The following MAP2K7 variants were observed in gnomAD, a reference collection of about 807,000 sequenced individuals.
MAP2K7 encodes mitogen-activated protein kinase kinase 7.
A neutral mutation model predicts 47.7 loss-of-function variants in MAP2K7; 12 were observed. The observed-to-expected ratio is 0.25, with a 90% CI of 0.16 to 0.41. The LOEUF (loss-of-function observed/expected upper bound fraction) is 0.41, where lower values mean the gene tolerates loss of function less well. Ranked by LOEUF, MAP2K7 falls within the 10% of genes least tolerant of loss-of-function variation. The probability of loss-of-function intolerance (pLI) is 1.00; values close to 1 mark genes in which losing one functional copy is unlikely to be tolerated. For missense variants in MAP2K7, 415 were observed against 600.3 expected (o/e 0.69, Z 3.23); for synonymous variants, 299 against 243.0 (o/e 1.23, Z -2.14).
Position 7,912,173 on chromosome 19 carries a change from A to G in MAP2K7, c.1104A>G (p.Arg368=). 6.2e-7 allele frequency: 1 copy of G among 1,613,978 alleles called. No individual in the cohort carries two copies. Among genetic ancestry groups the G allele is most frequent in the Non-Finnish European group, 8.5e-7 (1 of 1,179,966 alleles). ...KDCLTKDHRK[R]PKYNKLLEHS... ...GCCTTACTAAAGATCACAGGAAGAG[A>G]CCAAAGTATAATAAGCTACTTGTGA... The change falls in exon 10 of 11, where the codon AGA becomes AGG. Residue 368 remains arginine (R), a synonymous_variant. Transcript: ENST00000397979.
At position 7,913,466 on chromosome 19, in the gene MAP2K7, G is replaced by A. The variant is rs1471867920; in HGVS notation, c.*1035G>A. 2.6e-5 allele frequency: 4 copies of A among 152,506 alleles called. No individual in the cohort carries two copies. Among genetic ancestry groups the A allele is most frequent in the Non-Finnish European group, 5.9e-5 (4 of 68,160 alleles). 9.4% of individuals were successfully genotyped at this position (152,506 alleles called of 1,614,324 possible). A position where few individuals can be genotyped will look rare whatever the true frequency, so the allele number is the denominator to read the frequency against. On this transcript the variant is annotated 3_prime_UTR_variant, in exon 11 of 11. Transcript: ENST00000397979. ...GAGGGAGTCAGGGATGGAGGGCAGA[G>A]GGAGTGGATGTGGGGGTTTGAGGAC...
chr19:7,905,015 C>T (rs1982355235), intron 1 of MAP2K7, among the ~76,000 whole-genome samples: 1 of 151,458 alleles, frequency 6.6e-6, no homozygotes, highest in South Asian at 2.1e-4. Context: ...CAGTACCTCT[C>T]GCTTCACACA....
At chr19:7,906,044 C>G in intron 1 of MAP2K7, 1 of 620,430 alleles carries the variant, frequency 1.6e-6, no homozygotes, top group South Asian at 1.8e-5. Flanking sequence ...CTGCGTCCTC[C>G]CTCCTCCTCC....
intron 1 of MAP2K7, among the ~76,000 whole-genome samples, chr19:7,907,405 C>G (rs776999378): frequency 6.6e-6 from 1 of 152,202 alleles, no homozygotes; most frequent in Non-Finnish European, 1.5e-5. Context: ...CGTGCGTGCA[C>G]TTGCACGGCA....
At chr19:7,904,186 G>GT in intron 1 of MAP2K7, 118 bp downstream of exon 1, 1 of 819,244 alleles carries the variant, frequency 1.2e-6, no homozygotes, top group African/African-American at 1.8e-5. Flanking sequence ...TCTCCTCTCC[G>GT]CCCCCCCCGC....
rs1033654855 is a variant in MAP2K7, at chr19:7,913,330, G to T, written c.*899G>T. The T allele has an allele frequency of 2.0e-5, 3 of 153,010 alleles. No homozygotes were observed. The highest frequency in any genetic ancestry group is 4.8e-5 in the African/African-American group (2 of 41,434). 9.5% of individuals were successfully genotyped at this position (153,010 alleles called of 1,614,324 possible). A position where few individuals can be genotyped will look rare whatever the true frequency, so the allele number is the denominator to read the frequency against. The stretch of plus-strand genomic sequence containing the variant: ...GACCTCAGGGGATGTGGAGGGGTCT[G>T]CGGGGCCCTGGCCGCACAGGATGGC... On this transcript the variant is annotated 3_prime_UTR_variant, in exon 11 of 11. Coordinates refer to ENST00000397979, the MANE Select transcript of MAP2K7 (RefSeq NM_145185.4).
intron 1 of MAP2K7, chr19:7,907,148 A>C (rs1982514231): frequency 6.6e-6 from 1 of 152,198 alleles, no homozygotes; most frequent in African/African-American, 2.4e-5. Context: ...GTCTCAAAAA[A>C]AAAAAAAATT....
At chr19:7,904,165 G>T in intron 1 of MAP2K7, 97 bp downstream of exon 1, 1 of 1,031,290 alleles carries the variant, frequency 9.7e-7, no homozygotes. Flanking sequence ...CCCCGCTTCC[G>T]GGGCGCTCGC....
rs907011465 is a variant in MAP2K7, at chr19:7,914,092, G to A, written c.*1661G>A. On this transcript the variant is annotated 3_prime_UTR_variant, in exon 11 of 11. Transcript: ENST00000397979. ...TGCATCCAGCCATGGGGGCCTCTGC[G>A]ATTGCCGGAAGGTTGCATGGCTGGT... 4 of 152,256 alleles carry A rather than the reference G, an allele frequency of 2.6e-5. No homozygotes were observed. Among genetic ancestry groups the A allele is most frequent in the African/African-American group, 9.6e-5 (4 of 41,456 alleles). 9.4% of individuals were successfully genotyped at this position (152,256 alleles called of 1,614,324 possible).
At chr19:7,906,319 C>T (rs111566581) in intron 1 of MAP2K7, 2,539 of 162,138 alleles carry the variant, frequency 0.016, 61 homozygotes, top group African/African-American at 0.057. Flanking sequence ...GATGGAGCCC[C>T]TCTCCTCTGT....
At chr19:7,908,700 C>T (rs1463862715) in intron 1 of MAP2K7, among the ~76,000 whole-genome samples, 1 of 152,110 alleles carries the variant, frequency 6.6e-6, no homozygotes, top group East Asian at 1.9e-4. Context: ...TAGGATGTGA[C>T]GTGTCAGGAT....
intron 1 of MAP2K7, among the ~76,000 whole-genome samples, chr19:7,905,087 T>C (rs1379213362): frequency 7.9e-5 from 12 of 151,860 alleles, no homozygotes; most frequent in Admixed American, 7.9e-4. Flanking sequence ...GATCCTGGTC[T>C]CTAAATCCTC....
intron 1 of MAP2K7, among the ~76,000 whole-genome samples, chr19:7,909,135 C>T (rs915739986): frequency 2.0e-5 from 3 of 152,254 alleles, no homozygotes; most frequent in Non-Finnish European, 2.9e-5. Flanking sequence ...CCCCCATGGG[C>T]CCCAGCTCTG....
At position 7,913,833 on chromosome 19, in the gene MAP2K7, C is replaced by G. The variant is rs184711481; in HGVS notation, c.*1402C>G. The G allele has an allele frequency of 2.0e-5, 3 of 152,498 alleles. No homozygotes were observed. The highest frequency in any genetic ancestry group is 6.6e-5 in the Admixed American group (1 of 15,264). 9.4% of individuals were successfully genotyped at this position (152,498 alleles called of 1,614,324 possible). A position where few individuals can be genotyped will look rare whatever the true frequency, so the allele number is the denominator to read the frequency against. On this transcript the variant is annotated 3_prime_UTR_variant, in exon 11 of 11. Coordinates refer to ENST00000397979, the MANE Select transcript of MAP2K7 (RefSeq NM_145185.4). ...AATCCAACACCAAAGGCGCAGAAGC[C>G]GGCTGGCCGTGGTGGGGGCAGCGTA...
Position 7,910,711 on chromosome 19 carries a change from G to A in MAP2K7, c.583G>A (p.Ala195Thr), listed in dbSNP as rs55800262. The A allele has an allele frequency of 1.9e-6, 3 of 1,610,236 alleles. No individual in the cohort carries two copies. The South Asian group carries it at 3.3e-5, about 18-fold the overall frequency. ...TFITNTDVFI[A>T]MELMGTCAEK... The stretch of plus-strand genomic sequence containing the variant: ...CTCCCTGCAGACGGACGTCTTCATC[G>A]CCATGGAGCTCATGGGCACCTGCGC... The change falls in exon 6 of 11, where the codon GCC becomes ACC. Residue 195 changes from alanine to threonine, a missense_variant. By Grantham distance (58) the Ala-to-Thr change is moderately conservative. Coordinates refer to ENST00000397979, the MANE Select transcript of MAP2K7 (RefSeq NM_145185.4).
rs913031496 is a variant in MAP2K7, at chr19:7,913,862, G to A, written c.*1431G>A. The A allele has an allele frequency of 3.3e-5, 5 of 152,410 alleles. No individual in the cohort carries two copies. Among genetic ancestry groups the A allele is most frequent in the East Asian group, 1.9e-4 (1 of 5,192 alleles). The allele number at this position is 152,410 out of a possible 1,614,324, so 9.4% of individuals were successfully genotyped here. A position where few individuals can be genotyped will look rare whatever the true frequency, so the allele number is the denominator to read the frequency against. The stretch of plus-strand genomic sequence containing the variant: ...TGGCCGTGGTGGGGGCAGCGTAGGC[G>A]TAGCATCCCTCTCCTCTCACTTAGC... On this transcript the variant is annotated 3_prime_UTR_variant, in exon 11 of 11. Transcript: ENST00000397979.
chr19:7,911,419 G>C lies in MAP2K7; in HGVS notation c.937-17G>C. The C allele has an allele frequency of 6.2e-7, 1 of 1,613,322 alleles. No homozygotes were observed. Among genetic ancestry groups the C allele is most frequent in the Non-Finnish European group, 8.5e-7 (1 of 1,179,824 alleles). ...GGAGAACATAAACCTGTCCAGCCCT[G>C]CCCGTCTCCCTCCCAGGTGGAGCTG... On this transcript the variant is annotated splice_polypyrimidine_tract_variant and intron_variant, in intron 8 of 10. Transcript: ENST00000397979.
chr19:7,905,911 G>A (rs1982419752), intron 1 of MAP2K7: 3 of 1,532,006 alleles, frequency 2.0e-6, no homozygotes, highest in Non-Finnish European at 1.8e-6. Flanking sequence ...CCTAACCGCT[G>A]CCCCGGCCGC....
chr19:7,905,893 A>G (rs1396186511), intron 1 of MAP2K7: 1 of 1,599,598 alleles, frequency 6.3e-7, no homozygotes, highest in South Asian at 1.1e-5. Flanking sequence ...GGACATCTGC[A>G]CCATTGACCT....
Sources: gnomAD v4.1 joint callset for allele counts (sites outside exome capture counted in the v4.1 genomes callset) on GRCh38, gnomAD v4.1.1 for gene constraint, MANE v1.5 for transcripts, NCBI Gene and HGNC (gene_info 2026-07-23, HGNC 2026-07-21) for gene names.